Variants in ALDH1A2 observed in about 807,000 individuals in gnomAD.
The protein encoded by ALDH1A2 is retinal dehydrogenase 2.
A neutral mutation model predicts 60.3 loss-of-function variants in ALDH1A2; 27 were observed. That is an observed-to-expected ratio of 0.45 (90% confidence interval 0.33 to 0.62). The LOEUF is 0.62. Among genes scored for constraint, ALDH1A2 ranks in the 20% least tolerant of loss-of-function variants. ALDH1A2 has a pLI of 0.02. For synonymous variants in ALDH1A2, 289 were observed against 232.4 expected (o/e 1.24, Z -2.21); for missense variants, 581 against 643.8 (o/e 0.90, Z 1.06).
intron 1 of ALDH1A2, among the ~76,000 whole-genome samples, chr15:58,060,571 T>G (rs1897005098): frequency 6.7e-6 from 1 of 148,664 alleles, no homozygotes. Context: ...GATAAGTACC[T>G]TTCTGACCAG....
intron 7 of ALDH1A2, among the ~76,000 whole-genome samples, chr15:57,966,717 T>C (rs1372742100): frequency 6.6e-5 from 10 of 152,208 alleles, no homozygotes; most frequent in African/African-American, 2.2e-4. Flanking sequence ...GACTGGGCTC[T>C]GAGGGACGGT....
At chr15:57,998,089 A>G (rs1393528391) in intron 4 of ALDH1A2, among the ~76,000 whole-genome samples, 1 of 152,058 alleles carries the variant, frequency 6.6e-6, no homozygotes, top group African/African-American at 2.4e-5. Context: ...CACAGCCAAT[A>G]TCATACTGAA....
chr15:58,053,488 T>C (rs182999509), intron 1 of ALDH1A2, among the ~76,000 whole-genome samples: 3 of 152,232 alleles, frequency 2.0e-5, no homozygotes, highest in African/African-American at 4.8e-5. Context: ...GTTAGTGACT[T>C]TGCAAGCATT....
At chr15:57,982,830 CCT>C (rs1354787149) in intron 7 of ALDH1A2, among the ~76,000 whole-genome samples, 2 of 152,104 alleles carry the variant, frequency 1.3e-5, no homozygotes, top group Non-Finnish European at 2.9e-5. Flanking sequence ...TTTGGTACCC[CCT>C]GACTATTAAC....
chr15:58,018,809 T>C (rs1278026427), intron 1 of ALDH1A2, among the ~76,000 whole-genome samples: 1 of 152,164 alleles, frequency 6.6e-6, no homozygotes, highest in African/African-American at 2.4e-5. Context: ...CACAAAATAA[T>C]TGTCCTATAC....
intron 10 of ALDH1A2, among the ~76,000 whole-genome samples, 163 bp from the exon 11 acceptor site, chr15:57,961,457 A>C (rs530128329): frequency 6.6e-6 from 1 of 152,328 alleles, no homozygotes; most frequent in South Asian, 2.1e-4. Context: ...AAGATTATGC[A>C]AGAAGAGTCT....
At chr15:58,056,661 A>C (rs1896902658) in intron 1 of ALDH1A2, among the ~76,000 whole-genome samples, 1 of 152,184 alleles carries the variant, frequency 6.6e-6, no homozygotes, top group Non-Finnish European at 1.5e-5. Context: ...ATAACTGATA[A>C]AAATTATAAT....
At chr15:58,018,456 A>G (rs1895841457) in intron 1 of ALDH1A2, among the ~76,000 whole-genome samples, 1 of 152,202 alleles carries the variant, frequency 6.6e-6, no homozygotes, top group Admixed American at 6.5e-5. Flanking sequence ...TACCATAGTA[A>G]TAACTGCTTC....
intron 4 of ALDH1A2, among the ~76,000 whole-genome samples, chr15:58,004,730 C>CATTT (rs1555402516): frequency 1.4e-5 from 2 of 140,756 alleles, no homozygotes; most frequent in South Asian, 4.5e-4. Flanking sequence ...TATATATATA[C>CATTT]ATATATATAT....
At chr15:57,986,726 G>C (rs551359983) in intron 7 of ALDH1A2, among the ~76,000 whole-genome samples, 2 of 152,234 alleles carry the variant, frequency 1.3e-5, no homozygotes, top group Middle Eastern at 3.4e-3. Context: ...AGGCTGGAGT[G>C]CGGTGGTGTG....
Position 58,022,261 on chromosome 15 carries a change from C to T in ALDH1A2, c.118-7980G>A, listed in dbSNP as rs767445066. Among the ~76,000 whole-genome samples, 20 of 152,128 alleles carry T rather than the reference C, an allele frequency of 1.3e-4. 1 individual carries two copies. Among genetic ancestry groups the T allele is most frequent in the Non-Finnish European group, 2.2e-4 (15 of 68,012 alleles). ...GGAGATTGCCCAACCCAATCTACCACCTTGGGTACCTGAACATTCCGTACA... is the reference window on the plus strand; with the variant it reads ...GGAGATTGCCCAACCCAATCTACCATCTTGGGTACCTGAACATTCCGTACA... On this transcript the variant is annotated intron_variant, in intron 1 of 12. Transcript: ENST00000249750.
At chr15:58,024,676 A>G (rs979464768) in intron 1 of ALDH1A2, among the ~76,000 whole-genome samples, 1 of 152,148 alleles carries the variant, frequency 6.6e-6, no homozygotes, top group Non-Finnish European at 1.5e-5. Context: ...ACCAAAAAGC[A>G]CTGGATTTAA....
intron 1 of ALDH1A2, among the ~76,000 whole-genome samples, chr15:58,023,920 C>T (rs1896001618): frequency 6.6e-6 from 1 of 152,198 alleles, no homozygotes; most frequent in South Asian, 2.1e-4. Flanking sequence ...ATGGAGAAAC[C>T]TCCTCTCCAC....
At chr15:57,998,565 A>T (rs1352583579) in intron 4 of ALDH1A2, among the ~76,000 whole-genome samples, 1 of 152,186 alleles carries the variant, frequency 6.6e-6, no homozygotes, top group Non-Finnish European at 1.5e-5. Flanking sequence ...ATACAAACAA[A>T]TGGAAAAACA....
At chr15:57,986,249 T>G (rs538002579) in intron 7 of ALDH1A2, among the ~76,000 whole-genome samples, 2 of 152,220 alleles carry the variant, frequency 1.3e-5, no homozygotes, top group East Asian at 3.9e-4. Context: ...TGCCTAAACT[T>G]TCTAGATTGC....
chr15:58,027,461 G>A (rs1896111591), intron 1 of ALDH1A2, among the ~76,000 whole-genome samples: 1 of 152,136 alleles, frequency 6.6e-6, no homozygotes, highest in Admixed American at 6.5e-5. Flanking sequence ...CAGAAAAGGT[G>A]AAAATTCTAA....
At chr15:58,029,354 AAG>A (rs1173244534) in intron 1 of ALDH1A2, among the ~76,000 whole-genome samples, 1 of 152,228 alleles carries the variant, frequency 6.6e-6, no homozygotes, top group Non-Finnish European at 1.5e-5. Flanking sequence ...AATGAGAACA[AAG>A]ACACAACGTA....
intron 7 of ALDH1A2, among the ~76,000 whole-genome samples, chr15:57,966,529 A>C (rs1316494042): frequency 1.3e-5 from 2 of 152,198 alleles, no homozygotes; most frequent in African/African-American, 4.8e-5. Flanking sequence ...GCAGAACTCT[A>C]CCTCAGTGAT....
chr15:58,046,481 T>G (rs1204999947), intron 1 of ALDH1A2, among the ~76,000 whole-genome samples: 1 of 152,026 alleles, frequency 6.6e-6, no homozygotes, highest in South Asian at 2.1e-4. Context: ...TAATCTTGTA[T>G]GTATTCCTTC....
Sources: gnomAD v4.1 joint callset for allele counts (sites outside exome capture counted in the v4.1 genomes callset) on GRCh38, gnomAD v4.1.1 for gene constraint, MANE v1.5 for transcripts, NCBI Gene and HGNC (gene_info 2026-07-23, HGNC 2026-07-21) for gene names.